The following ADAM9 variants were observed in gnomAD, a reference collection of about 807,000 sequenced individuals.
ADAM9 encodes disintegrin and metalloproteinase domain-containing protein 9.
A neutral mutation model predicts 108.1 loss-of-function variants in ADAM9; 54 were observed. The ratio of observed to expected loss-of-function variants is 0.50; its 90% CI spans 0.40 to 0.63. The LOEUF (loss-of-function observed/expected upper bound fraction) is 0.63, where lower values mean the gene tolerates loss of function less well. ADAM9 is among the 20% of genes least tolerant of loss of function. The pLI, the probability that ADAM9 is intolerant of heterozygous loss-of-function variation, is 0.00. For missense variants in ADAM9, 830 were observed against 997.7 expected, an observed-to-expected ratio of 0.83 and a Z score of 2.26; for synonymous variants, 316 against 336.0, an observed-to-expected ratio of 0.94 and a Z score of 0.65.
At chr8:39,063,437 C>T (rs1838357709) in intron 14 of ADAM9, among the ~76,000 whole-genome samples, 1 of 152,138 alleles carries the variant, frequency 6.6e-6, no homozygotes, top group Non-Finnish European at 1.5e-5. Flanking sequence ...GACGACTCAT[C>T]AGAATTTAGA....
At chr8:38,999,742 GAAGCTTTAACTTACCAAATTTA>G (rs1318138379) in intron 1 of ADAM9, among the ~76,000 whole-genome samples, 1 of 152,148 alleles carries the variant, frequency 6.6e-6, no homozygotes, top group Admixed American at 6.5e-5. Flanking sequence ...AAAAGCACTT[GAAGCTTTAACTTACCAAATTTA>G]TATTTGCTCT....
intron 11 of ADAM9, among the ~76,000 whole-genome samples, chr8:39,036,930 T>C (rs187965013): frequency 2.2e-4 from 33 of 151,774 alleles, no homozygotes; most frequent in Middle Eastern, 3.4e-3. Context: ...TATAAGAAAA[T>C]ATCCTTCAAC....
intron 3 of ADAM9, 120 bp downstream of exon 3, chr8:39,011,836 T>G: frequency 2.1e-6 from 2 of 947,094 alleles, no homozygotes; most frequent in Non-Finnish European, 3.4e-6. Flanking sequence ...GATTTAGCTC[T>G]TCATATTGGT....
At chr8:39,018,465 A>C (rs1297279790) in intron 6 of ADAM9, 6 of 185,048 alleles carry the variant, frequency 3.2e-5, no homozygotes, top group Admixed American at 2.3e-4. Flanking sequence ...TTTTCATTAA[A>C]ATATGTGTGT....
chr8:39,049,441 GT>G lies in ADAM9; in HGVS notation c.1303-5023del, dbSNP rs559508620. On this transcript the variant is annotated intron_variant, in intron 12 of 21. Coordinates refer to ENST00000487273, the MANE Select transcript of ADAM9 (RefSeq NM_003816.3). Reference sequence around the variant, plus strand: ...TGTATCTTCCAACATATTTTTTATAGTTTTTTTTTTTTTTTTTGAGATGGAG... The same window carrying G: ...TGTATCTTCCAACATATTTTTTATAGTTTTTTTTTTTTTTTTGAGATGGAG... 4.3e-3 allele frequency among the ~76,000 whole-genome samples: 579 copies of G among 134,804 alleles called. 1 individual carries two copies. The highest frequency in any genetic ancestry group is 0.012 in the African/African-American group (433 of 36,902). 88.4% of individuals were successfully genotyped at this position (134,804 alleles called of 152,430 possible). A position where few individuals can be genotyped will look rare whatever the true frequency, so the allele number is the denominator to read the frequency against.
chr8:39,098,884 G>A (rs1345496311), intron 20 of ADAM9, among the ~76,000 whole-genome samples: 6 of 151,990 alleles, frequency 3.9e-5, no homozygotes, highest in Non-Finnish European at 5.9e-5. Flanking sequence ...GGTTCCTACC[G>A]AGAGTATTTT....
At chr8:39,068,990 A>C (rs1400566944) in intron 14 of ADAM9, among the ~76,000 whole-genome samples, 1 of 152,142 alleles carries the variant, frequency 6.6e-6, no homozygotes, top group Non-Finnish European at 1.5e-5. Flanking sequence ...TCTTAAGCAG[A>C]TTTAAAATTT....
intron 8 of ADAM9, among the ~76,000 whole-genome samples, chr8:39,022,872 C>G (rs1836790621): frequency 6.6e-6 from 1 of 152,026 alleles, no homozygotes. Context: ...CACCACCACG[C>G]CCAGCTAATT....
At chr8:39,053,737 G>A (rs1838027748) in intron 12 of ADAM9, among the ~76,000 whole-genome samples, 2 of 152,072 alleles carry the variant, frequency 1.3e-5, no homozygotes, top group Non-Finnish European at 2.9e-5. Flanking sequence ...AGAGTATAGT[G>A]AGAGAAGCCA....
chr8:39,101,844 A>ATTTTTT lies in ADAM9; in HGVS notation c.2299-14_2299-9dup. 2 of 1,478,308 alleles carry ATTTTTT rather than the reference A, an allele frequency of 1.4e-6. No individual in the cohort carries two copies. The highest frequency in any genetic ancestry group is 2.4e-5 in the East Asian group (1 of 41,910). The allele number at this position is 1,478,308 out of a possible 1,614,324, so 91.6% of individuals were successfully genotyped here. On this transcript the variant is annotated intron_variant, in intron 20 of 21. Coordinates refer to ENST00000487273, the MANE Select transcript of ADAM9 (RefSeq NM_003816.3). ...ATGAGCACATAGTGGTAATAACCTT[A>ATTTTTT]TTTTTTTTTTCTTTTTAGCCTATAT...
At position 39,022,817 on chromosome 8, in the gene ADAM9, G is replaced by C. The variant is rs796215934; in HGVS notation, c.745-339G>C. Among the ~76,000 whole-genome samples, 34 of 152,070 alleles carry C rather than the reference G, an allele frequency of 2.2e-4. 1 individual carries two copies. Among genetic ancestry groups the C allele is most frequent in the African/African-American group, 8.2e-4 (34 of 41,502 alleles). Reference sequence around the variant, plus strand: ...CAGACTCTGCCTCCCAGGTTCAAGCGATTCTCCTGCCTCAGCCTCCCAAGT... The same window carrying C: ...CAGACTCTGCCTCCCAGGTTCAAGCCATTCTCCTGCCTCAGCCTCCCAAGT... On this transcript the variant is annotated intron_variant, in intron 8 of 21. Coordinates refer to ENST00000487273, the MANE Select transcript of ADAM9 (RefSeq NM_003816.3).
At chr8:39,012,555 A>G (rs1836389159) in intron 3 of ADAM9, among the ~76,000 whole-genome samples, 1 of 152,260 alleles carries the variant, frequency 6.6e-6, no homozygotes, top group Non-Finnish European at 1.5e-5. Context: ...CCAAATGTCC[A>G]ACAATGACAG....
Position 39,103,785 on chromosome 8 carries a change from T to A in ADAM9, c.*85T>A, listed in dbSNP as rs773237530. On this transcript the variant is annotated 3_prime_UTR_variant, in exon 22 of 22. Coordinates refer to ENST00000487273, the MANE Select transcript of ADAM9 (RefSeq NM_003816.3). ...TCTTGATGTTTTCTTGAAAAGCCTT[T>A]CTGTTGCAACTATGAATGAAAACAA... The A allele has an allele frequency of 7.5e-7, 1 of 1,331,626 alleles. No homozygotes were observed. Among genetic ancestry groups the A allele is most frequent in the Non-Finnish European group, 1.1e-6 (1 of 931,142 alleles). The allele number at this position is 1,331,626 out of a possible 1,614,324, so 82.5% of individuals were successfully genotyped here. A position where few individuals can be genotyped will look rare whatever the true frequency, so the allele number is the denominator to read the frequency against.
chr8:39,012,292 C>T (rs556336621), intron 3 of ADAM9, among the ~76,000 whole-genome samples: 1 of 152,302 alleles, frequency 6.6e-6, no homozygotes, highest in East Asian at 1.9e-4. Flanking sequence ...TAGCTAAAGT[C>T]AGGCTGTGTA....
At chr8:39,066,329 T>C (rs1298349686) in intron 14 of ADAM9, among the ~76,000 whole-genome samples, 1 of 152,246 alleles carries the variant, frequency 6.6e-6, no homozygotes, top group Non-Finnish European at 1.5e-5. Flanking sequence ...ATCGCCACAC[T>C]GTCTTCCACA....
intron 12 of ADAM9, among the ~76,000 whole-genome samples, chr8:39,044,415 A>G (rs890228330): frequency 6.6e-6 from 1 of 152,072 alleles, no homozygotes; most frequent in Middle Eastern, 3.2e-3. Context: ...TTATTTCTGC[A>G]TTCTTTATTC....
intron 12 of ADAM9, among the ~76,000 whole-genome samples, chr8:39,045,576 A>ATG (rs1837740065): frequency 6.6e-6 from 1 of 150,832 alleles, no homozygotes; most frequent in African/African-American, 2.5e-5. Flanking sequence ...GTGTGTATAT[A>ATG]TATATATATA....
In ADAM9 at chr8:39,011,681, A is replaced by G. The variant is rs1009064949; in HGVS notation, c.219A>G (p.Glu73=). 3 of 1,611,886 alleles carry G rather than the reference A, an allele frequency of 1.9e-6. No individual in the cohort carries two copies. The highest frequency in any genetic ancestry group is 2.5e-6 in the Non-Finnish European group (3 of 1,178,054). ...SKQVSYVIQA[E]GKEHIIHLER... Reference sequence around the variant, plus strand: ...AGGTATCTTATGTTATTCAGGCTGAAGGAAAAGAGCATATTATTCACTTGG... The same window carrying G: ...AGGTATCTTATGTTATTCAGGCTGAGGGAAAAGAGCATATTATTCACTTGG... Residue 73 remains glutamate, a synonymous_variant, in exon 3 of 22, where the codon GAA becomes GAG. Coordinates refer to ENST00000487273, the MANE Select transcript of ADAM9 (RefSeq NM_003816.3).
intron 12 of ADAM9, among the ~76,000 whole-genome samples, chr8:39,045,028 G>A (rs1433281941): frequency 8.0e-6 from 1 of 125,610 alleles, no homozygotes; most frequent in Admixed American, 7.6e-5. Flanking sequence ...ATGTGTGTGT[G>A]CATACATACA....
Sources: allele counts gnomAD v4.1 joint callset (sites outside exome capture counted in the v4.1 genomes callset), GRCh38; gene constraint gnomAD v4.1.1; transcripts MANE v1.5; gene names NCBI Gene and HGNC (gene_info 2026-07-23, HGNC 2026-07-21).